Variants in SYT14 observed in about 807,000 individuals in gnomAD.
SYT14 encodes synaptotagmin 14.
SYT14 carries 32 observed loss-of-function variants against 74.2 expected under a neutral mutation model. The ratio of observed to expected loss-of-function variants is 0.43; its 90% CI spans 0.33 to 0.58. The LOEUF (loss-of-function observed/expected upper bound fraction) is 0.58, where lower values mean the gene tolerates loss of function less well. Ranked by LOEUF, SYT14 falls within the 20% of genes least tolerant of loss-of-function variation. SYT14 has a pLI of 0.05. For synonymous variants in SYT14, 298 were observed against 337.7 expected, an observed-to-expected ratio of 0.88 and a Z score of 1.29; for missense variants, 791 against 981.8, an observed-to-expected ratio of 0.81 and a Z score of 2.60.
At chr1:210,157,301 G>A (rs575016715) in intron 8 of SYT14, among the ~76,000 whole-genome samples, 1 of 151,534 alleles carries the variant, frequency 6.6e-6, no homozygotes, top group Non-Finnish European at 1.5e-5. Context: ...AATTAGTCAG[G>A]CATGGTGGCT....
intron 9 of SYT14, among the ~76,000 whole-genome samples, chr1:210,160,068 A>G (rs1294345595): frequency 6.6e-6 from 1 of 152,228 alleles, no homozygotes; most frequent in Non-Finnish European, 1.5e-5. Context: ...GTACTCTTGC[A>G]TGAAACCAGG....
intron 2 of SYT14, among the ~76,000 whole-genome samples, chr1:209,960,259 A>G (rs1572070270): frequency 6.6e-6 from 1 of 152,178 alleles, no homozygotes. Flanking sequence ...ATCAACATGT[A>G]ATATCCCAGT....
At chr1:210,115,834 C>CA (rs1409972495) in intron 7 of SYT14, among the ~76,000 whole-genome samples, 1 of 151,210 alleles carries the variant, frequency 6.6e-6, no homozygotes, top group Non-Finnish European at 1.5e-5. Context: ...CAGTCTGAGT[C>CA]ACGGCACCAA....
intron 7 of SYT14, among the ~76,000 whole-genome samples, chr1:210,138,954 T>A (rs1272233689): frequency 6.6e-6 from 1 of 152,172 alleles, no homozygotes; most frequent in Non-Finnish European, 1.5e-5. Flanking sequence ...CAAACCTAAA[T>A]ATCAAATTTC....
At chr1:210,076,465 C>T (rs771944517) in intron 5 of SYT14, among the ~76,000 whole-genome samples, 2 of 152,210 alleles carry the variant, frequency 1.3e-5, no homozygotes, top group African/African-American at 4.8e-5. Flanking sequence ...AACTACTACT[C>T]ATCTACTTTC....
intron 2 of SYT14, among the ~76,000 whole-genome samples, chr1:209,982,387 T>C (rs1319528323): frequency 6.6e-6 from 1 of 152,168 alleles, no homozygotes; most frequent in Non-Finnish European, 1.5e-5. Flanking sequence ...AATTTCTGAG[T>C]TGAAGCAATC....
intron 5 of SYT14, among the ~76,000 whole-genome samples, chr1:210,072,795 T>C (rs1030357421): frequency 1.3e-5 from 2 of 152,116 alleles, no homozygotes; most frequent in East Asian, 1.9e-4. Context: ...TGTTTTAAAA[T>C]GCAAATGATA....
chr1:210,073,333 A>G (rs1053197005), intron 5 of SYT14, among the ~76,000 whole-genome samples: 4 of 152,048 alleles, frequency 2.6e-5, no homozygotes, highest in African/African-American at 7.2e-5. Context: ...ACAAAGGTCT[A>G]TAATTGCTGT....
At chr1:210,095,278 T>C (rs1224756866) in intron 6 of SYT14, among the ~76,000 whole-genome samples, 1 of 152,168 alleles carries the variant, frequency 6.6e-6, no homozygotes, top group African/African-American at 2.4e-5. Flanking sequence ...CTTTCAAGTG[T>C]TTTTGTTTTT....
chr1:210,066,023 A>G (rs1266796165), intron 5 of SYT14, among the ~76,000 whole-genome samples: 1 of 151,918 alleles, frequency 6.6e-6, no homozygotes, highest in African/African-American at 2.4e-5. Context: ...GATGGTTTCC[A>G]GCTTCATCCA....
chr1:209,968,963 G>A (rs901504572), intron 2 of SYT14, among the ~76,000 whole-genome samples: 13 of 151,920 alleles, frequency 8.6e-5, no homozygotes, highest in African/African-American at 2.9e-4. Context: ...TGTACCCAGT[G>A]TTTAGCTCCC....
chr1:209,969,441 C>G (rs1376986427), intron 2 of SYT14, among the ~76,000 whole-genome samples: 1 of 149,178 alleles, frequency 6.7e-6, no homozygotes, highest in Non-Finnish European at 1.5e-5. Context: ...AATAGCCGTT[C>G]TGACTAGTGT....
At chr1:209,981,414 ATTTCT>A (rs1368799620) in intron 2 of SYT14, among the ~76,000 whole-genome samples, 2 of 126,752 alleles carry the variant, frequency 1.6e-5, no homozygotes, top group Admixed American at 1.5e-4. Context: ...CTTTGTTGAA[ATTTCT>A]TTTCTTTCTT....
chr1:210,112,256 C>G (rs753657410), intron 7 of SYT14, among the ~76,000 whole-genome samples: 8 of 151,112 alleles, frequency 5.3e-5, no homozygotes, highest in African/African-American at 2.0e-4. Context: ...GGCAAATCCC[C>G]GAGCTTGATG....
chr1:210,056,202 A>G (rs901196507), intron 5 of SYT14, among the ~76,000 whole-genome samples: 3 of 152,124 alleles, frequency 2.0e-5, no homozygotes, highest in African/African-American at 7.2e-5. Flanking sequence ...TCCAACATTT[A>G]TCCTTATGGA....
chr1:210,093,442 A>G (rs928321388), intron 5 of SYT14, among the ~76,000 whole-genome samples: 1 of 152,176 alleles, frequency 6.6e-6, no homozygotes, highest in African/African-American at 2.4e-5. Flanking sequence ...CTGTTCTTAA[A>G]TTATTTACTG....
intron 1 of SYT14, among the ~76,000 whole-genome samples, chr1:209,942,531 G>A (rs1050468532): frequency 2.0e-5 from 3 of 151,930 alleles, no homozygotes; most frequent in African/African-American, 7.3e-5. Flanking sequence ...TGTGCTGCTT[G>A]GTGTCTTCAC....
At chr1:210,089,388 T>C (rs1014962527) in intron 5 of SYT14, among the ~76,000 whole-genome samples, 8 of 152,208 alleles carry the variant, frequency 5.3e-5, no homozygotes, top group African/African-American at 1.9e-4. Context: ...CCTTTGCCTA[T>C]ATACCCAGTA....
intron 2 of SYT14, among the ~76,000 whole-genome samples, chr1:209,975,554 C>A: frequency 6.6e-6 from 1 of 152,110 alleles, no homozygotes; most frequent in East Asian, 1.9e-4. Context: ...GGGATGAAAC[C>A]CACTTGATCA....
Sources: allele counts gnomAD v4.1 joint callset (sites outside exome capture counted in the v4.1 genomes callset), GRCh38; gene constraint gnomAD v4.1.1; transcripts MANE v1.5; gene names NCBI Gene and HGNC (gene_info 2026-07-23, HGNC 2026-07-21).